The following ADAMTS6 variants were observed in gnomAD, a reference collection of about 807,000 sequenced individuals.
ADAMTS6 encodes ADAM metallopeptidase with thrombospondin type 1 motif 6, also known as A disintegrin and metalloproteinase with thrombospondin motifs 6.
In ADAMTS6, 23 loss-of-function variants were observed where a neutral mutation model predicts 144.3. That is an observed-to-expected ratio of 0.16 (90% confidence interval 0.11 to 0.23). ADAMTS6 has a LOEUF of 0.23. Among genes scored for constraint, ADAMTS6 ranks in the 10% least tolerant of loss-of-function variants. ADAMTS6 has a pLI of 1.00. For synonymous variants in ADAMTS6, 444 were observed against 457.5 expected (o/e 0.97, Z 0.38); for missense variants, 999 against 1,379.6 (o/e 0.72, Z 4.37).
chr5:65,443,387 A>T (rs535190310), intron 7 of ADAMTS6, among the ~76,000 whole-genome samples: 1 of 152,042 alleles, frequency 6.6e-6, no homozygotes, highest in Admixed American at 6.5e-5. Context: ...TTGGGAGACC[A>T]AGGTGGGAGG....
intron 7 of ADAMTS6, among the ~76,000 whole-genome samples, chr5:65,426,151 AT>A (rs1165586117): frequency 1.3e-5 from 2 of 151,182 alleles, no homozygotes; most frequent in African/African-American, 4.9e-5. Flanking sequence ...AGTTCAAGCA[AT>A]TCTCCTGCCT....
intron 9 of ADAMTS6, among the ~76,000 whole-genome samples, chr5:65,303,713 G>T (rs1410356934): frequency 6.6e-6 from 1 of 151,618 alleles, no homozygotes; most frequent in Non-Finnish European, 1.5e-5. Context: ...GTTCTAAAGG[G>T]GAATGAGCAC....
intron 7 of ADAMTS6, among the ~76,000 whole-genome samples, chr5:65,435,688 C>T (rs778182151): frequency 3.3e-5 from 5 of 151,622 alleles, no homozygotes; most frequent in Non-Finnish European, 5.9e-5. Context: ...TACAGTGGCG[C>T]GATATCGGCT....
chr5:65,409,800 T>C (rs554414302), intron 7 of ADAMTS6, among the ~76,000 whole-genome samples: 1 of 152,312 alleles, frequency 6.6e-6, no homozygotes, highest in East Asian at 1.9e-4. Context: ...TTATTCACCA[T>C]GATCAAGTGG....
At chr5:65,215,780 C>G (rs1756872363) in intron 18 of ADAMTS6, among the ~76,000 whole-genome samples, 2 of 152,120 alleles carry the variant, frequency 1.3e-5, no homozygotes, top group South Asian at 4.1e-4. Context: ...AGGGATGAGA[C>G]TTAACATGAG....
intron 9 of ADAMTS6, among the ~76,000 whole-genome samples, chr5:65,312,847 G>T (rs965981382): frequency 2.6e-5 from 4 of 151,946 alleles, no homozygotes; most frequent in Non-Finnish European, 5.9e-5. Context: ...ACATGTTGGG[G>T]TGTATGTATG....
Position 65,149,069 on chromosome 5 carries a change from A to C in ADAMTS6, c.*2767T>G, listed in dbSNP as rs1249655247. The C allele has an allele frequency of 1.3e-5, 2 of 152,678 alleles. No individual in the cohort carries two copies. Among genetic ancestry groups the C allele is most frequent in the African/African-American group, 4.8e-5 (2 of 41,466 alleles). 9.5% of individuals were successfully genotyped at this position (152,678 alleles called of 1,614,324 possible). A position where few individuals can be genotyped will look rare whatever the true frequency, so the allele number is the denominator to read the frequency against. ...AACAAAAAAGTTCCTAATGAAATGG[A>C]CTATTTGGAAATCATATGTATCTCA... is the stretch of plus-strand genomic sequence containing the variant. On this transcript the variant is annotated 3_prime_UTR_variant, in exon 25 of 25. Transcript: ENST00000381055.
chr5:65,456,924 T>C (rs746946176), intron 4 of ADAMTS6, among the ~76,000 whole-genome samples: 4 of 152,212 alleles, frequency 2.6e-5, no homozygotes, highest in Non-Finnish European at 4.4e-5. Context: ...AAGATAAATA[T>C]GTCCTGTGTC....
At chr5:65,173,781 T>A (rs1253531445) in intron 22 of ADAMTS6, among the ~76,000 whole-genome samples, 4 of 152,118 alleles carry the variant, frequency 2.6e-5, no homozygotes, top group Non-Finnish European at 4.4e-5. Context: ...TCCCAGCACT[T>A]TGGGAGGCCG....
At chr5:65,455,902 T>C (rs1367381472) in intron 4 of ADAMTS6, among the ~76,000 whole-genome samples, 2 of 152,052 alleles carry the variant, frequency 1.3e-5, no homozygotes, top group Admixed American at 6.5e-5. Flanking sequence ...CATTTTAGTT[T>C]TTAAAAATTT....
intron 7 of ADAMTS6, among the ~76,000 whole-genome samples, chr5:65,366,253 T>C (rs1322797623): frequency 6.6e-6 from 1 of 152,198 alleles, no homozygotes; most frequent in Non-Finnish European, 1.5e-5. Context: ...CAGAGAATCC[T>C]ATATAAAATA....
chr5:65,238,784 T>G (rs536157348), intron 15 of ADAMTS6, among the ~76,000 whole-genome samples: 8 of 151,938 alleles, frequency 5.3e-5, no homozygotes, highest in Non-Finnish European at 7.4e-5. Context: ...CTGGGAGAAA[T>G]TAAAGACATA....
intron 20 of ADAMTS6, among the ~76,000 whole-genome samples, chr5:65,212,329 A>T (rs1756588747): frequency 6.6e-6 from 1 of 150,852 alleles, no homozygotes; most frequent in African/African-American, 2.4e-5. Context: ...TCCCAGAACC[A>T]CCTCCAGTAT....
At chr5:65,159,560 AC>A (rs952701207) in intron 24 of ADAMTS6, among the ~76,000 whole-genome samples, 6 of 152,018 alleles carry the variant, frequency 3.9e-5, no homozygotes, top group African/African-American at 1.4e-4. Context: ...ACTGTTTCCT[AC>A]CTTCCATGTC....
intron 9 of ADAMTS6, among the ~76,000 whole-genome samples, chr5:65,301,008 T>C (rs1344534308): frequency 1.3e-5 from 2 of 152,186 alleles, no homozygotes; most frequent in African/African-American, 4.8e-5. Flanking sequence ...TATGTGTGTT[T>C]CAAAACACCT....
chr5:65,294,055 T>C (rs1056945658), intron 10 of ADAMTS6, among the ~76,000 whole-genome samples: 3 of 152,338 alleles, frequency 2.0e-5, no homozygotes, highest in African/African-American at 2.4e-5. Context: ...TGTCTTCCAG[T>C]AAAGCAAATG....
chr5:65,424,625 C>G (rs1756353582), intron 7 of ADAMTS6, among the ~76,000 whole-genome samples: 2 of 152,120 alleles, frequency 1.3e-5, no homozygotes, highest in Non-Finnish European at 1.5e-5. Context: ...GATCCTATGA[C>G]AGTATATTCT....
chr5:65,196,521 T>TAAAAAAAAA (rs1755378873), intron 21 of ADAMTS6, among the ~76,000 whole-genome samples: 1 of 3,772 alleles, frequency 2.7e-4, no homozygotes, highest in Non-Finnish European at 4.9e-4. Context: ...AGACTCCGTC[T>TAAAAAAAAA]CAAAAAAAAA....
chr5:65,300,026 G>C lies in ADAMTS6; in HGVS notation c.1329C>G (p.Ser443=), dbSNP rs2112796771. 1.2e-5 allele frequency: 20 copies of C among 1,614,022 alleles called. No individual in the cohort carries two copies. Among genetic ancestry groups the C allele is most frequent in the Non-Finnish European group, 1.6e-5 (19 of 1,179,996 alleles). The change falls in exon 10 of 25, where the codon TCC becomes TCG. Residue 443 remains serine (S), a synonymous_variant. Transcript: ENST00000381055. ...AHITANTNPF[S]WSACSRDYIT... ...TGTAGTCTCGACTGCAAGCAGACCA[G>C]GAAAAAGGATTGGTATTCGCAGTAA... is the stretch of plus-strand genomic sequence containing the variant.
Sources: gnomAD v4.1 joint callset for allele counts (sites outside exome capture counted in the v4.1 genomes callset) on GRCh38, gnomAD v4.1.1 for gene constraint, MANE v1.5 for transcripts, NCBI Gene and HGNC (gene_info 2026-07-23, HGNC 2026-07-21) for gene names.